The following CHST8 variants were observed in gnomAD, a reference collection of about 807,000 sequenced individuals.
CHST8 encodes GALNAC-4-ST1.
In CHST8, 10 loss-of-function variants were observed where a neutral mutation model predicts 15.0. The observed-to-expected ratio is 0.67, with a 90% CI of 0.41 to 1.13. CHST8 has a LOEUF of 1.13. Ranked by LOEUF, CHST8 falls within the 50% of genes most tolerant of loss-of-function variation. The pLI is 0.00. For synonymous variants in CHST8, 259 were observed against 256.6 expected, an observed-to-expected ratio of 1.01 and a Z score of -0.09; for missense variants, 634 against 608.2, an observed-to-expected ratio of 1.04 and a Z score of -0.45.
intron 2 of CHST8, among the ~76,000 whole-genome samples, chr19:33,670,151 A>G (rs1311308958): frequency 6.6e-6 from 1 of 152,200 alleles, no homozygotes; most frequent in Non-Finnish European, 1.5e-5. Context: ...CCTTGTTAGC[A>G]AAGTAATTAA....
intron 3 of CHST8, among the ~76,000 whole-genome samples, chr19:33,740,859 T>C (rs1306147373): frequency 1.3e-5 from 2 of 152,184 alleles, no homozygotes; most frequent in Non-Finnish European, 2.9e-5. Flanking sequence ...TCATTTCAGT[T>C]AATCATATAA....
At chr19:33,686,490 C>T (rs944925557) in intron 2 of CHST8, among the ~76,000 whole-genome samples, 1 of 152,198 alleles carries the variant, frequency 6.6e-6, no homozygotes, top group East Asian at 1.9e-4. Context: ...TCTCTTGTAA[C>T]CACTCTGCAG....
At chr19:33,770,061 G>A (rs143410212) in intron 3 of CHST8, among the ~76,000 whole-genome samples, 2 of 152,318 alleles carry the variant, frequency 1.3e-5, no homozygotes, top group East Asian at 1.9e-4. Context: ...TGAAGGAGAC[G>A]TGCGGGCACG....
chr19:33,647,566 C>T (rs1439110435), intron 1 of CHST8, among the ~76,000 whole-genome samples: 5 of 152,178 alleles, frequency 3.3e-5, no homozygotes, highest in Non-Finnish European at 7.3e-5. Context: ...GGGAGATAGG[C>T]TTGGTGCGGT....
intron 2 of CHST8, among the ~76,000 whole-genome samples, chr19:33,683,479 G>A (rs1972924661): frequency 6.6e-6 from 1 of 152,126 alleles, no homozygotes; most frequent in African/African-American, 2.4e-5. Context: ...GCTCCCTGGG[G>A]GCCGTTTCTT....
In CHST8 at chr19:33,638,466, G is replaced by A. The variant is rs546541653; in HGVS notation, c.-164+16170G>A. On this transcript the variant is annotated intron_variant, in intron 1 of 4. Transcript: ENST00000650847. ...GTTATGATATCAGCTCATTGCCAGT[G>A]TAGGACTTCATCTGAATTTCATAAA... 2.3e-4 allele frequency among the ~76,000 whole-genome samples: 35 copies of A among 152,296 alleles called. No homozygotes were observed. In the South Asian group the frequency reaches 7.1e-3, roughly 31 times the overall value.
chr19:33,624,448 G>A (rs937985092), intron 1 of CHST8, among the ~76,000 whole-genome samples: 3 of 152,200 alleles, frequency 2.0e-5, no homozygotes, highest in African/African-American at 7.2e-5. Context: ...TATCACTTGG[G>A]AAATTTCATG....
chr19:33,764,899 T>C (rs966778515), intron 3 of CHST8, among the ~76,000 whole-genome samples: 39 of 151,948 alleles, frequency 2.6e-4, no homozygotes, highest in African/African-American at 9.4e-4. Context: ...TGCCTTCGCA[T>C]CCTCATAGCT....
chr19:33,661,851 G>A (rs1004760360), intron 1 of CHST8, among the ~76,000 whole-genome samples: 23 of 148,194 alleles, frequency 1.6e-4, no homozygotes, highest in African/African-American at 5.8e-4. Context: ...GGCAACACAG[G>A]GAGATTTCAT....
At chr19:33,717,221 G>A (rs2145303476) in intron 3 of CHST8, among the ~76,000 whole-genome samples, 1 of 152,300 alleles carries the variant, frequency 6.6e-6, no homozygotes, top group Non-Finnish European at 1.5e-5. Flanking sequence ...AGCACTTTGG[G>A]AGGCCAAGGC....
chr19:33,733,195 C>G (rs1974024435), intron 3 of CHST8, among the ~76,000 whole-genome samples: 1 of 151,174 alleles, frequency 6.6e-6, no homozygotes, highest in Non-Finnish European at 1.5e-5. Context: ...TTTTGAAGCA[C>G]TGTGTCTGGA....
chr19:33,754,355 C>G (rs1159735934), intron 3 of CHST8, among the ~76,000 whole-genome samples: 1 of 151,734 alleles, frequency 6.6e-6, no homozygotes, highest in Admixed American at 6.6e-5. Flanking sequence ...ATGAGCAAAC[C>G]GTCCTTGCTA....
At chr19:33,650,064 A>G (rs1972414365) in intron 1 of CHST8, among the ~76,000 whole-genome samples, 1 of 152,174 alleles carries the variant, frequency 6.6e-6, no homozygotes, top group South Asian at 2.1e-4. Context: ...ACTGCCACAA[A>G]GAGTCTGTTC....
At chr19:33,730,528 T>C (rs1470817048) in intron 3 of CHST8, among the ~76,000 whole-genome samples, 1 of 152,236 alleles carries the variant, frequency 6.6e-6, no homozygotes, top group East Asian at 1.9e-4. Flanking sequence ...TGCTGCTGCC[T>C]ACTCGAGTTC....
chr19:33,660,649 A>G (rs1046948623), intron 1 of CHST8, among the ~76,000 whole-genome samples: 3 of 152,180 alleles, frequency 2.0e-5, no homozygotes, highest in African/African-American at 7.2e-5. Context: ...CCCCTTTCAC[A>G]TCAGCAACCC....
At chr19:33,690,169 TA>T (rs928235522) in intron 3 of CHST8, among the ~76,000 whole-genome samples, 18 of 152,206 alleles carry the variant, frequency 1.2e-4, no homozygotes, top group African/African-American at 4.3e-4. Context: ...TGGCCCCTGT[TA>T]GGGGCAGTTC....
At chr19:33,768,487 T>G (rs1411809961) in intron 3 of CHST8, among the ~76,000 whole-genome samples, 1 of 152,218 alleles carries the variant, frequency 6.6e-6, no homozygotes, top group Non-Finnish European at 1.5e-5. Context: ...AGTCTCACTC[T>G]GTTGCTCAGG....
intron 3 of CHST8, among the ~76,000 whole-genome samples, chr19:33,712,926 T>C (rs1403008800): frequency 6.6e-6 from 1 of 152,220 alleles, no homozygotes; most frequent in Non-Finnish European, 1.5e-5. Context: ...AGGGACGTGC[T>C]GTCAAAATCC....
intron 3 of CHST8, among the ~76,000 whole-genome samples, chr19:33,712,474 C>G (rs1973573580): frequency 6.6e-6 from 1 of 152,130 alleles, no homozygotes; most frequent in African/African-American, 2.4e-5. Flanking sequence ...TGAATAATTC[C>G]ATGGGCGGGC....
Sources: gnomAD v4.1 joint callset for allele counts (sites outside exome capture counted in the v4.1 genomes callset) on GRCh38, gnomAD v4.1.1 for gene constraint, MANE v1.5 for transcripts, NCBI Gene and HGNC (gene_info 2026-07-23, HGNC 2026-07-21) for gene names.